The following SLC9A2 variants were observed in gnomAD, a reference collection of about 807,000 sequenced individuals.
The protein encoded by SLC9A2 is sodium/hydrogen exchanger 2.
In SLC9A2, 42 loss-of-function variants were observed where a neutral mutation model predicts 71.7. The ratio of observed to expected loss-of-function variants is 0.59; its 90% CI spans 0.46 to 0.76. The LOEUF (loss-of-function observed/expected upper bound fraction) is 0.76, where lower values mean the gene tolerates loss of function less well. Among genes scored for constraint, SLC9A2 ranks in the 30% least tolerant of loss-of-function variants. The pLI, the probability that SLC9A2 is intolerant of heterozygous loss-of-function variation, is 0.00. For synonymous variants in SLC9A2, 396 were observed against 392.5 expected (o/e 1.01, Z -0.10); for missense variants, 829 against 1,017.4 (o/e 0.81, Z 2.52).
chr2:102,681,834 C>A (rs181217434), intron 3 of SLC9A2, among the ~76,000 whole-genome samples: 15 of 152,262 alleles, frequency 9.9e-5, no homozygotes, highest in African/African-American at 2.6e-4. Context: ...ATAAACATAC[C>A]TGCCTTTGTT....
At chr2:102,681,650 T>C (rs1376788659) in intron 3 of SLC9A2, among the ~76,000 whole-genome samples, 1 of 152,242 alleles carries the variant, frequency 6.6e-6, no homozygotes, top group African/African-American at 2.4e-5. Flanking sequence ...TTGAATTTTA[T>C]TAGCACATTT....
chr2:102,664,207 C>G (rs1186431774), intron 2 of SLC9A2, among the ~76,000 whole-genome samples: 1 of 148,878 alleles, frequency 6.7e-6, no homozygotes, highest in Non-Finnish European at 1.5e-5. Context: ...ACCCGGGAGG[C>G]AGAGATTGCA....
In SLC9A2 at chr2:102,665,092, TCCTGCAGGTCC is replaced by T; in HGVS notation, c.754-7_757del. ...GGTCTTGACAAGGTGTTTTTTTTTT[TCCTGCAGGTCC>T]TGTACAACTTGTTCAAGTCGTTTTG... On this transcript the variant is annotated splice_acceptor_variant and splice_polypyrimidine_tract_variant and coding_sequence_variant and intron_variant, in exon 3 of 12. Transcript: ENST00000233969. LOFTEE classifies it high-confidence loss of function. 6.3e-7 allele frequency: 1 copy of T among 1,599,760 alleles called. No individual in the cohort carries two copies. The highest frequency in any genetic ancestry group is 1.8e-5 in the Admixed American group (1 of 56,796).
At chr2:102,649,632 A>G (rs1676793709) in intron 1 of SLC9A2, among the ~76,000 whole-genome samples, 1 of 141,928 alleles carries the variant, frequency 7.0e-6, no homozygotes, top group African/African-American at 3.1e-5. Flanking sequence ...CAAGAAAAAA[A>G]CAAACAACCC....
rs539232215 is a variant in SLC9A2 at position 102,706,176 on chromosome 2, G to A, written c.2068+240G>A. Among the ~76,000 whole-genome samples, 35 of 53,862 alleles carry A rather than the reference G, an allele frequency of 6.5e-4. 11 individuals are homozygous for A. The East Asian group carries it at 9.7e-3, about 15-fold the overall frequency. 35.3% of individuals were successfully genotyped at this position (53,862 alleles called of 152,430 possible). ...CTACTGAAAATACAAAAAATTAGCC[G>A]GGCGCGGTGGCGGGCGCCTGTAGTC... On this transcript the variant is annotated intron_variant, in intron 11 of 11. Coordinates refer to ENST00000233969, the MANE Select transcript of SLC9A2 (RefSeq NM_003048.6).
In SLC9A2 at chr2:102,704,664, C is replaced by A. The variant is rs992622109; in HGVS notation, c.1966C>A (p.Arg656=). The A allele has an allele frequency of 1.1e-5, 17 of 1,611,642 alleles. No homozygotes were observed. Among genetic ancestry groups the A allele is most frequent in the Non-Finnish European group, 1.3e-5 (15 of 1,178,464 alleles). ...CATTAGGAAGGACAGCAGCTTGAAT[C>A]GAGAACACAGGGTAACTGAGTGTGC... ...ESIRKDSSLN[R]EHRASTSTSR... Residue 656 remains arginine, a synonymous_variant, in exon 10 of 12, where the codon CGA becomes AGA. Transcript: ENST00000233969.
At chr2:102,631,746 AG>A (rs1198324564) in intron 1 of SLC9A2, among the ~76,000 whole-genome samples, 1 of 151,744 alleles carries the variant, frequency 6.6e-6, no homozygotes, top group Non-Finnish European at 1.5e-5. Context: ...ATACTTTCCT[AG>A]TTTTCAATCT....
At chr2:102,646,241 C>A (rs1364702491) in intron 1 of SLC9A2, among the ~76,000 whole-genome samples, 1 of 152,138 alleles carries the variant, frequency 6.6e-6, no homozygotes, top group East Asian at 1.9e-4. Context: ...CCTTTATAGA[C>A]AAGCAAATGC....
chr2:102,628,111 TAA>T (rs1296652902), intron 1 of SLC9A2, among the ~76,000 whole-genome samples: 1 of 152,152 alleles, frequency 6.6e-6, no homozygotes, highest in Non-Finnish European at 1.5e-5. Flanking sequence ...ACTGTACACT[TAA>T]GACTCTGTCA....
At chr2:102,646,214 C>T (rs558069335) in intron 1 of SLC9A2, among the ~76,000 whole-genome samples, 24 of 152,112 alleles carry the variant, frequency 1.6e-4, no homozygotes, top group Admixed American at 4.6e-4. Flanking sequence ...GCTTCATAAG[C>T]GAAGGAGAAA....
At chr2:102,697,726 G>A (rs1290425324) in intron 7 of SLC9A2, among the ~76,000 whole-genome samples, 1 of 150,472 alleles carries the variant, frequency 6.6e-6, no homozygotes, top group African/African-American at 2.4e-5. Flanking sequence ...TTAAAACTGT[G>A]TTCTGCTGAG....
chr2:102,651,417 A>G (rs568556293), intron 1 of SLC9A2, among the ~76,000 whole-genome samples: 1 of 152,316 alleles, frequency 6.6e-6, no homozygotes, highest in East Asian at 1.9e-4. Flanking sequence ...CTCCAGCCAG[A>G]GTAGCCTCTT....
At chr2:102,645,712 G>A (rs934408438) in intron 1 of SLC9A2, among the ~76,000 whole-genome samples, 105 of 151,936 alleles carry the variant, frequency 6.9e-4, no homozygotes, top group Non-Finnish European at 1.2e-4. Flanking sequence ...AGAGATTGGA[G>A]ATCAACTTAA....
At chr2:102,673,909 G>A (rs1048098755) in intron 3 of SLC9A2, among the ~76,000 whole-genome samples, 1 of 151,072 alleles carries the variant, frequency 6.6e-6, no homozygotes, top group African/African-American at 2.4e-5. Flanking sequence ...TGCCTCAGCT[G>A]CCCGAGCAGC....
At chr2:102,640,490 G>A (rs1464066821) in intron 1 of SLC9A2, among the ~76,000 whole-genome samples, 3 of 152,160 alleles carry the variant, frequency 2.0e-5, no homozygotes, top group Non-Finnish European at 4.4e-5. Flanking sequence ...GCTCAGGTTC[G>A]ATCATTTGCT....
At chr2:102,704,000 A>C (rs1227286231) in intron 9 of SLC9A2, among the ~76,000 whole-genome samples, 3 of 152,226 alleles carry the variant, frequency 2.0e-5, no homozygotes, top group Middle Eastern at 3.2e-3. Flanking sequence ...TATTCAAAAC[A>C]GACTGTAGGA....
At chr2:102,678,251 C>A (rs140398055) in intron 3 of SLC9A2, among the ~76,000 whole-genome samples, 4 of 151,870 alleles carry the variant, frequency 2.6e-5, no homozygotes, top group African/African-American at 9.7e-5. Flanking sequence ...ACAGAATTTG[C>A]CTCAGAATGG....
At chr2:102,703,078 G>T (rs1677905132) in intron 9 of SLC9A2, among the ~76,000 whole-genome samples, 1 of 152,134 alleles carries the variant, frequency 6.6e-6, no homozygotes, top group Non-Finnish European at 1.5e-5. Context: ...GCACAGGGAG[G>T]TGAAGTGGCA....
intron 3 of SLC9A2, among the ~76,000 whole-genome samples, chr2:102,682,387 C>T (rs1030866445): frequency 2.0e-5 from 3 of 152,072 alleles, no homozygotes; most frequent in East Asian, 1.9e-4. Context: ...TTCCATACAG[C>T]GGAGGCACAT....
Sources: gnomAD v4.1 joint callset for allele counts (sites outside exome capture counted in the v4.1 genomes callset) on GRCh38, gnomAD v4.1.1 for gene constraint, MANE v1.5 for transcripts, NCBI Gene and HGNC (gene_info 2026-07-23, HGNC 2026-07-21) for gene names.